Variants in ARNT2 observed in about 807,000 individuals in gnomAD.
ARNT2 encodes the protein ARNT protein 2.
In ARNT2, 36 loss-of-function variants were observed where a neutral mutation model predicts 91.7. The observed-to-expected ratio is 0.39, with a 90% CI of 0.30 to 0.52. ARNT2 has a LOEUF of 0.52. ARNT2 is among the 20% of genes least tolerant of loss of function. The probability of loss-of-function intolerance (pLI) is 0.72; values close to 1 mark genes in which losing one functional copy is unlikely to be tolerated. For synonymous variants in ARNT2, 365 were observed against 347.1 expected, an observed-to-expected ratio of 1.05 and a Z score of -0.57; for missense variants, 775 against 939.3, an observed-to-expected ratio of 0.83 and a Z score of 2.29.
intron 8 of ARNT2, among the ~76,000 whole-genome samples, chr15:80,532,671 G>A (rs1451556338): frequency 6.6e-6 from 1 of 152,144 alleles, no homozygotes; most frequent in Non-Finnish European, 1.5e-5. Context: ...GTAGCAGAAA[G>A]TTATTTTATT....
chr15:80,588,251 G>A (rs1893213172), intron 17 of ARNT2, among the ~76,000 whole-genome samples: 2 of 152,100 alleles, frequency 1.3e-5, no homozygotes, highest in Non-Finnish European at 2.9e-5. Context: ...AACAAGCCTA[G>A]GCACCTCCTT....
At chr15:80,487,021 C>G (rs1896986414) in intron 5 of ARNT2, among the ~76,000 whole-genome samples, 1 of 152,126 alleles carries the variant, frequency 6.6e-6, no homozygotes, top group Admixed American at 6.5e-5. Context: ...TGAAGCTACC[C>G]TAGGTGGGAC....
chr15:80,550,501 C>T (rs138519591), intron 8 of ARNT2, among the ~76,000 whole-genome samples: 14 of 152,300 alleles, frequency 9.2e-5, no homozygotes, highest in African/African-American at 3.1e-4. Context: ...GTTTTCACTA[C>T]GACAGTTCTA....
intron 3 of ARNT2, among the ~76,000 whole-genome samples, chr15:80,459,466 T>C (rs1376916223): frequency 6.6e-6 from 1 of 152,168 alleles, no homozygotes; most frequent in Non-Finnish European, 1.5e-5. Flanking sequence ...GAAGGAACAA[T>C]GACTTTGGTT....
At chr15:80,407,701 T>TTGTG (rs1310203580) in intron 1 of ARNT2, among the ~76,000 whole-genome samples, 1 of 149,456 alleles carries the variant, frequency 6.7e-6, no homozygotes, top group Non-Finnish European at 1.5e-5. Context: ...ATCTTCCGTT[T>TTGTG]TGTGTGTCTG....
intron 12 of ARNT2, among the ~76,000 whole-genome samples, chr15:80,565,478 G>A (rs548569756): frequency 6.6e-6 from 1 of 151,804 alleles, no homozygotes; most frequent in South Asian, 2.1e-4. Flanking sequence ...CCCATCATCA[G>A]TGTGTGAGCA....
intron 8 of ARNT2, among the ~76,000 whole-genome samples, chr15:80,550,660 G>A (rs189374130): frequency 1.3e-5 from 2 of 152,342 alleles, no homozygotes; most frequent in East Asian, 1.9e-4. Context: ...CTAGTTTTCA[G>A]TGCTTAGCAT....
In ARNT2 at chr15:80,596,388, A is replaced by G. The variant is rs1893375641; in HGVS notation, c.*2690A>G. The stretch of plus-strand genomic sequence containing the variant: ...ATTTGTAAAAGCCGTCATGGGGTCA[A>G]TAAGAAAATAGGGGTGATGGAGGGG... On this transcript the variant is annotated 3_prime_UTR_variant, in exon 19 of 19. Transcript: ENST00000303329. The G allele has an allele frequency of 6.6e-6, 1 of 152,378 alleles. No individual in the cohort carries two copies. The highest frequency in any genetic ancestry group is 6.5e-5 in the Admixed American group (1 of 15,286). The allele number at this position is 152,378 out of a possible 1,614,324, so 9.4% of individuals were successfully genotyped here. A position where few individuals can be genotyped will look rare whatever the true frequency, so the allele number is the denominator to read the frequency against.
At chr15:80,483,821 C>A (rs1896926290) in intron 5 of ARNT2, among the ~76,000 whole-genome samples, 2 of 152,224 alleles carry the variant, frequency 1.3e-5, no homozygotes, top group African/African-American at 4.8e-5. Flanking sequence ...CAACATGCAG[C>A]CTCAGCCTAC....
chr15:80,471,585 C>T (rs796121465), intron 4 of ARNT2, among the ~76,000 whole-genome samples: 10 of 152,208 alleles, frequency 6.6e-5, no homozygotes, highest in South Asian at 2.1e-4. Context: ...ATAGTAGCCG[C>T]GATCAGAGCA....
intron 5 of ARNT2, among the ~76,000 whole-genome samples, chr15:80,503,469 A>G (rs1228881182): frequency 1.3e-5 from 2 of 152,236 alleles, no homozygotes; most frequent in African/African-American, 4.8e-5. Flanking sequence ...TCTCAAGGTC[A>G]TGACAACAGA....
At chr15:80,588,738 A>G (rs942109492) in intron 17 of ARNT2, among the ~76,000 whole-genome samples, 2 of 151,964 alleles carry the variant, frequency 1.3e-5, no homozygotes, top group Non-Finnish European at 2.9e-5. Context: ...ATTAATTACT[A>G]ATTCCCCTTC....
chr15:80,486,175 T>C lies in ARNT2; in HGVS notation c.622+10952T>C, dbSNP rs572440031. ...TTCCCTTTGTGTCTCTGGGTCCAAA[T>C]TTCCCTCTTCTAAGAATACCAGTCT... is the stretch of plus-strand genomic sequence containing the variant. On this transcript the variant is annotated intron_variant, in intron 5 of 18. Coordinates refer to ENST00000303329, the MANE Select transcript of ARNT2 (RefSeq NM_014862.4). Among the ~76,000 whole-genome samples, 292 of 152,176 alleles carry C rather than the reference T, an allele frequency of 1.9e-3. 1 individual carries two copies. Among genetic ancestry groups the C allele is most frequent in the Non-Finnish European group, 3.6e-3 (243 of 68,028 alleles).
At chr15:80,473,931 A>G (rs1468404642) in intron 4 of ARNT2, among the ~76,000 whole-genome samples, 1 of 152,186 alleles carries the variant, frequency 6.6e-6, no homozygotes, top group Non-Finnish European at 1.5e-5. Flanking sequence ...CAGCCAAAAG[A>G]TGTTTGCTAG....
intron 8 of ARNT2, among the ~76,000 whole-genome samples, chr15:80,547,626 T>C (rs573634926): frequency 1.7e-4 from 26 of 152,244 alleles, no homozygotes; most frequent in Non-Finnish European, 2.5e-4. Flanking sequence ...TCAAAAAAAA[T>C]TGAACTTGTC....
In ARNT2 at chr15:80,404,663, G is replaced by C. The variant is rs985456828; in HGVS notation, c.31+117G>C. 4 of 656,042 alleles carry C rather than the reference G, an allele frequency of 6.1e-6. No individual in the cohort carries two copies. Among genetic ancestry groups the C allele is most frequent in the Admixed American group, 6.1e-5 (1 of 16,370 alleles). The allele number at this position is 656,042 out of a possible 1,614,324, so 40.6% of individuals were successfully genotyped here. A position where few individuals can be genotyped will look rare whatever the true frequency, so the allele number is the denominator to read the frequency against. On this transcript the variant is annotated intron_variant, in intron 1 of 18. Coordinates refer to ENST00000303329, the MANE Select transcript of ARNT2 (RefSeq NM_014862.4). This position sits in a 1 kb window ranked among gnomAD's most constrained non-coding sequence, Gnocchi z 5.5. ...CGCGGAGCCGCAGCTCGGCGCGGTG[G>C]GTGGTGGAGCGGCTGTCACTACGCG...
At chr15:80,478,410 T>C (rs772990078) in intron 5 of ARNT2, among the ~76,000 whole-genome samples, 5 of 152,330 alleles carry the variant, frequency 3.3e-5, no homozygotes, top group Admixed American at 1.3e-4. Flanking sequence ...AAACAGGCGA[T>C]GTGAACCACA....
At chr15:80,578,521 C>CCT (rs1898727698) in intron 15 of ARNT2, among the ~76,000 whole-genome samples, 1 of 151,284 alleles carries the variant, frequency 6.6e-6, no homozygotes, top group Non-Finnish European at 1.5e-5. Flanking sequence ...GAGGAGGACA[C>CCT]CATCACTGAT....
At chr15:80,545,780 A>C (rs966802913) in intron 8 of ARNT2, among the ~76,000 whole-genome samples, 10 of 152,252 alleles carry the variant, frequency 6.6e-5, no homozygotes, top group Non-Finnish European at 1.3e-4. Flanking sequence ...AAACCTAGGC[A>C]GCTTCCATGG....
Sources: allele counts gnomAD v4.1 joint callset (sites outside exome capture counted in the v4.1 genomes callset), GRCh38; gene constraint gnomAD v4.1.1; non-coding constraint Gnocchi (gnomAD v3.1); transcripts MANE v1.5; gene names NCBI Gene and HGNC (gene_info 2026-07-23, HGNC 2026-07-21).